Variants in VGLL4 observed in about 807,000 individuals in gnomAD.
VGLL4 encodes vestigial like family member 4.
In VGLL4, 7 loss-of-function variants were observed where a neutral mutation model predicts 21.0. The ratio of observed to expected loss-of-function variants is 0.33; its 90% CI spans 0.19 to 0.63. The LOEUF (loss-of-function observed/expected upper bound fraction) is 0.63, where lower values mean the gene tolerates loss of function less well. Among genes scored for constraint, VGLL4 ranks in the 20% least tolerant of loss-of-function variants. The pLI, the probability that VGLL4 is intolerant of heterozygous loss-of-function variation, is 0.78. For synonymous variants in VGLL4, 222 were observed against 173.2 expected, an observed-to-expected ratio of 1.28 and a Z score of -2.21; for missense variants, 394 against 425.7, an observed-to-expected ratio of 0.93 and a Z score of 0.66.
At chr3:11,663,477 GGGA>G (rs2076064866) in intron 2 of VGLL4, among the ~76,000 whole-genome samples, 1 of 152,224 alleles carries the variant, frequency 6.6e-6, no homozygotes, top group East Asian at 1.9e-4. Context: ...CCAGCACTTA[GGGA>G]GGCCGAGGCA....
At chr3:11,688,241 C>T (rs1427697899) in intron 2 of VGLL4, among the ~76,000 whole-genome samples, 1 of 152,106 alleles carries the variant, frequency 6.6e-6, no homozygotes, top group Non-Finnish European at 1.5e-5. Flanking sequence ...ATTTTATATA[C>T]ATACAACTTT....
chr3:11,596,558 T>A (rs1300431019), intron 2 of VGLL4, among the ~76,000 whole-genome samples: 2 of 152,116 alleles, frequency 1.3e-5, no homozygotes, highest in Non-Finnish European at 2.9e-5. Flanking sequence ...GAGAGTTGGG[T>A]TAGCCCTGGA....
chr3:11,573,228 CAGAA>C (rs1321897741), intron 2 of VGLL4, among the ~76,000 whole-genome samples: 8 of 128,644 alleles, frequency 6.2e-5, no homozygotes, highest in South Asian at 2.6e-4. Context: ...GAAAGACAGA[CAGAA>C]AGAAAAGAAA....
At chr3:11,592,138 G>A (rs2074514782) in intron 2 of VGLL4, among the ~76,000 whole-genome samples, 1 of 152,236 alleles carries the variant, frequency 6.6e-6, no homozygotes, top group Non-Finnish European at 1.5e-5. Flanking sequence ...CCATTCCATA[G>A]GCTTTGATTT....
chr3:11,666,600 T>A (rs1295540066), intron 2 of VGLL4, among the ~76,000 whole-genome samples: 1 of 152,172 alleles, frequency 6.6e-6, no homozygotes, highest in Admixed American at 6.5e-5. Context: ...TAGCAGACAG[T>A]TTGAGATGTG....
intron 1 of VGLL4, among the ~76,000 whole-genome samples, chr3:11,634,534 A>G (rs1397206110): frequency 1.3e-5 from 2 of 152,098 alleles, no homozygotes; most frequent in African/African-American, 4.8e-5. Flanking sequence ...AACTGTGACA[A>G]AAGTTTGTTT....
intron 2 of VGLL4, among the ~76,000 whole-genome samples, chr3:11,652,152 C>T (rs1456163417): frequency 1.3e-5 from 2 of 152,058 alleles, no homozygotes; most frequent in East Asian, 1.9e-4. Context: ...TTACAAAGAC[C>T]ATTTTGAAAA....
intron 1 of VGLL4, among the ~76,000 whole-genome samples, chr3:11,620,296 C>T (rs148174479): frequency 9.3e-4 from 142 of 152,294 alleles, no homozygotes; most frequent in African/African-American, 3.2e-3. Context: ...TCCTATACCA[C>T]TCGGAGAGGT....
At chr3:11,661,170 T>C (rs1045953334) in intron 2 of VGLL4, among the ~76,000 whole-genome samples, 3 of 152,190 alleles carry the variant, frequency 2.0e-5, no homozygotes, top group Non-Finnish European at 4.4e-5. Context: ...CTGAGGCGGC[T>C]GACTGCAATG....
intron 1 of VGLL4, among the ~76,000 whole-genome samples, chr3:11,715,345 AT>A (rs1559960666): frequency 6.6e-6 from 1 of 150,884 alleles, no homozygotes; most frequent in Non-Finnish European, 1.5e-5. Flanking sequence ...TCTTTTTTTT[AT>A]TTTTTGAGAT....
chr3:11,619,001 G>A (rs190073683), intron 1 of VGLL4, among the ~76,000 whole-genome samples: 9 of 152,306 alleles, frequency 5.9e-5, no homozygotes, highest in Non-Finnish European at 8.8e-5. Flanking sequence ...AAGATATAAA[G>A]GCCAATCAAC....
At chr3:11,705,869 T>C (rs113892449) in intron 1 of VGLL4, among the ~76,000 whole-genome samples, 8,444 of 149,684 alleles carry the variant, frequency 0.056, 276 homozygotes, top group Middle Eastern at 0.093. Context: ...TGCAGTGAGC[T>C]GAGATCGCGC....
intron 1 of VGLL4, among the ~76,000 whole-genome samples, chr3:11,707,002 T>A (rs531786122): frequency 6.6e-6 from 1 of 152,280 alleles, no homozygotes; most frequent in South Asian, 2.1e-4. Context: ...CGTGACATGA[T>A]GTTCACACTA....
chr3:11,597,268 C>T (rs1472836722), intron 2 of VGLL4, among the ~76,000 whole-genome samples: 1 of 151,924 alleles, frequency 6.6e-6, no homozygotes, highest in Non-Finnish European at 1.5e-5. Flanking sequence ...ACTGATTTTT[C>T]CACAAGATGA....
intron 2 of VGLL4, among the ~76,000 whole-genome samples, chr3:11,569,560 G>A (rs1273943762): frequency 6.6e-6 from 1 of 152,248 alleles, no homozygotes; most frequent in African/African-American, 2.4e-5. Flanking sequence ...GGAGACAAGA[G>A]ATTCAAAGGA....
intron 2 of VGLL4, among the ~76,000 whole-genome samples, chr3:11,678,242 GATGAGGTTTCACT>G (rs1476728377): frequency 1.3e-5 from 2 of 152,118 alleles, no homozygotes; most frequent in Non-Finnish European, 2.9e-5. Flanking sequence ...TTTTAGTAGA[GATGAGGTTTCACT>G]ATGTTGGCCA....
At chr3:11,692,056 G>T (rs556691626) in intron 2 of VGLL4, among the ~76,000 whole-genome samples, 12 of 150,326 alleles carry the variant, frequency 8.0e-5, no homozygotes, top group Non-Finnish European at 1.6e-4. Flanking sequence ...AATTGCAAAT[G>T]ACATTAACCA....
At chr3:11,642,828 G>A (rs2075721818) in intron 1 of VGLL4, among the ~76,000 whole-genome samples, 1 of 152,164 alleles carries the variant, frequency 6.6e-6, no homozygotes. Flanking sequence ...CGGAGCGCGA[G>A]GAACACCCCC....
At chr3:11,587,950 G>A (rs762048480) in intron 2 of VGLL4, among the ~76,000 whole-genome samples, 30 of 152,346 alleles carry the variant, frequency 2.0e-4, no homozygotes, top group Non-Finnish European at 3.1e-4. Flanking sequence ...TCGCGCATGT[G>A]TGCGTTTTCG....
Sources: gnomAD v4.1 joint callset for allele counts (sites outside exome capture counted in the v4.1 genomes callset) on GRCh38, gnomAD v4.1.1 for gene constraint, MANE v1.5 for transcripts, NCBI Gene and HGNC (gene_info 2026-07-23, HGNC 2026-07-21) for gene names.